PDXDC1: variants seen among roughly 807,000 people sequenced by gnomAD.
PDXDC1 encodes the protein pyridoxal dependent decarboxylase domain containing 1.
PDXDC1 carries 42 observed loss-of-function variants against 100.1 expected under a neutral mutation model. That is an observed-to-expected ratio of 0.42 (90% confidence interval 0.33 to 0.54). The LOEUF (loss-of-function observed/expected upper bound fraction) is 0.54. Ranked by LOEUF, PDXDC1 falls within the 20% of genes least tolerant of loss-of-function variation. PDXDC1 has a pLI of 0.10. For synonymous variants in PDXDC1, 260 were observed against 371.7 expected, an observed-to-expected ratio of 0.70 and a Z score of 3.46; for missense variants, 636 against 979.2, an observed-to-expected ratio of 0.65 and a Z score of 4.68.
chr16:15,015,978 AT>A (rs1304467157), intron 8 of PDXDC1, 150 bp from the exon 9 acceptor site: 1 of 1,418,980 alleles, frequency 7.0e-7, no homozygotes, highest in Non-Finnish European at 9.4e-7. Flanking sequence ...ACAAACACTG[AT>A]TTTAAGTCCT....
intron 1 of PDXDC1, among the ~76,000 whole-genome samples, chr16:14,993,764 G>A (rs2151293515): frequency 6.6e-6 from 1 of 152,420 alleles, no homozygotes; most frequent in South Asian, 2.1e-4. Context: ...CGCCAACAGT[G>A]TAAAAGTGTT....
intron 14 of PDXDC1, among the ~76,000 whole-genome samples, chr16:15,027,833 TGTG>T (rs1382738651): frequency 9.2e-5 from 14 of 152,280 alleles, no homozygotes; most frequent in Admixed American, 2.6e-4. Context: ...AGGATGGTGG[TGTG>T]GTGGGCCAGC....
chr16:15,107,833 C>T (rs377118481), intron 16 of PDXDC1: 4 of 679,830 alleles, frequency 5.9e-6, no homozygotes, highest in East Asian at 9.1e-5. Context: ...CTAACTCCAT[C>T]GGAAGCAGAG....
intron 16 of PDXDC1, among the ~76,000 whole-genome samples, chr16:15,111,499 C>T (rs573010653): frequency 1.3e-5 from 2 of 148,330 alleles, no homozygotes; most frequent in Non-Finnish European, 3.0e-5. Flanking sequence ...GTAGCTCACG[C>T]CTGTAATCCT....
intron 16 of PDXDC1, chr16:15,045,581 G>A (rs1158929577): frequency 6.6e-6 from 1 of 152,448 alleles, no homozygotes. Context: ...AGACTAGCCT[G>A]GGTGACAGGG....
chr16:15,125,654 CCCCAG>C, intron 16 of PDXDC1: 1 of 1,276,764 alleles, frequency 7.8e-7, no homozygotes, highest in South Asian at 1.2e-5. Context: ...GCGGCAGGAC[CCCCAG>C]CCCAGCCCAG....
At chr16:14,991,176 C>T (rs1232911951) in intron 1 of PDXDC1, among the ~76,000 whole-genome samples, 6 of 152,254 alleles carry the variant, frequency 3.9e-5, no homozygotes, top group African/African-American at 9.6e-5. Flanking sequence ...TGTCATTACA[C>T]GGGATTTTAG....
intron 21 of PDXDC1, 74 bp downstream of exon 21, chr16:15,034,627 C>A: frequency 1.9e-6 from 2 of 1,060,426 alleles, no homozygotes; most frequent in South Asian, 1.3e-5. Context: ...GGTCCCAACA[C>A]TTCCCACTGA....
intron 16 of PDXDC1, among the ~76,000 whole-genome samples, chr16:15,069,671 G>C (rs2045139704): frequency 6.6e-6 from 1 of 152,168 alleles, no homozygotes; most frequent in Non-Finnish European, 1.5e-5. Flanking sequence ...CTGTGCTTTA[G>C]TGCTGTCTGT....
chr16:15,060,055 G>T, intron 16 of PDXDC1: 1 of 245,070 alleles, frequency 4.1e-6, no homozygotes, highest in Non-Finnish European at 8.2e-6. Flanking sequence ...CCTTTTATTG[G>T]TATAAGAACG....
chr16:15,073,013 C>A, intron 16 of PDXDC1: 1 of 1,613,362 alleles, frequency 6.2e-7, no homozygotes, highest in Non-Finnish European at 8.5e-7. Context: ...GGGTGGGCAA[C>A]AGGAGTTTGT....
intron 16 of PDXDC1, chr16:15,131,676 C>T (rs2048068190): frequency 6.4e-7 from 1 of 1,569,346 alleles, no homozygotes; most frequent in Non-Finnish European, 8.7e-7. Context: ...GTGGTGCCCG[C>T]ACGTCTGAGC....
intron 16 of PDXDC1, among the ~76,000 whole-genome samples, chr16:15,115,010 GCTACAAC>G (rs1399935421): frequency 7.1e-6 from 1 of 141,396 alleles, no homozygotes; most frequent in Non-Finnish European, 1.5e-5. Flanking sequence ...ATCTCGGCTC[GCTACAAC>G]CTCCAGCTCC....
chr16:15,015,099 G>A (rs1233288628), intron 8 of PDXDC1, among the ~76,000 whole-genome samples: 3 of 152,248 alleles, frequency 2.0e-5, no homozygotes, highest in Non-Finnish European at 4.4e-5. Context: ...CACTACACCC[G>A]GCTAATTTTG....
intron 16 of PDXDC1, among the ~76,000 whole-genome samples, chr16:15,073,543 T>C (rs1415262812): frequency 1.3e-5 from 2 of 152,192 alleles, no homozygotes; most frequent in African/African-American, 4.8e-5. Context: ...TTCCTCTGAA[T>C]ATAATAATCT....
rs1420829208 is a variant in PDXDC1 at position 15,036,389 on chromosome 16, C to G, written c.*114C>G. Reference sequence around the variant, plus strand: ...ATAAATTACTGTTGTTTGTGCTTCACTGGGATTTTGGCACAAATATGTGCC... The same window carrying G: ...ATAAATTACTGTTGTTTGTGCTTCAGTGGGATTTTGGCACAAATATGTGCC... On this transcript the variant is annotated 3_prime_UTR_variant, in exon 23 of 23. Transcript: ENST00000396410. 8.9e-7 allele frequency: 1 copy of G among 1,121,122 alleles called. No homozygotes were observed. The highest frequency in any genetic ancestry group is 2.4e-5 in the East Asian group (1 of 41,736). The allele number at this position is 1,121,122 out of a possible 1,614,324, so 69.4% of individuals were successfully genotyped here. A position where few individuals can be genotyped will look rare whatever the true frequency, so the allele number is the denominator to read the frequency against.
intron 16 of PDXDC1, chr16:15,133,138 C>T (rs2048188515): frequency 2.8e-6 from 2 of 712,502 alleles, no homozygotes; most frequent in African/African-American, 1.7e-5. Flanking sequence ...GGTGCTGCTT[C>T]AGGGTCACTG....
chr16:15,080,961 ATGT>A (rs1323532034), intron 16 of PDXDC1, among the ~76,000 whole-genome samples: 1 of 152,154 alleles, frequency 6.6e-6, no homozygotes, highest in Admixed American at 6.5e-5. Context: ...GGGTTCAATC[ATGT>A]TGTAACATGT....
At chr16:14,993,131 A>T (rs1039775302) in intron 1 of PDXDC1, among the ~76,000 whole-genome samples, 3 of 152,256 alleles carry the variant, frequency 2.0e-5, no homozygotes, top group Admixed American at 2.0e-4. Context: ...CTTTAAAAAA[A>T]AATTTTTTTT....
Sources: gnomAD v4.1 joint callset for allele counts (sites outside exome capture counted in the v4.1 genomes callset) on GRCh38, gnomAD v4.1.1 for gene constraint, MANE v1.5 for transcripts, NCBI Gene and HGNC (gene_info 2026-07-23, HGNC 2026-07-21) for gene names.